SCNN1D: variants seen among roughly 807,000 people sequenced by gnomAD.
SCNN1D encodes the protein epithelial sodium channel subunit delta.
A neutral mutation model predicts 87.8 loss-of-function variants in SCNN1D; 104 were observed. That is an observed-to-expected ratio of 1.18 (90% CI 1.01 to 1.39). The LOEUF (loss-of-function observed/expected upper bound fraction) is 1.39, where lower values mean the gene tolerates loss of function less well. SCNN1D is among the 40% of genes most tolerant of loss of function. SCNN1D has a pLI of 0.00. For synonymous variants in SCNN1D, 628 were observed against 481.2 expected (o/e 1.31, Z -3.99); for missense variants, 1,324 against 1,093.9 (o/e 1.21, Z -2.97).
At chr1:1,284,578 G>A (rs1208995293) in intron 5 of SCNN1D, among the ~76,000 whole-genome samples, 1 of 149,028 alleles carries the variant, frequency 6.7e-6, no homozygotes, top group Non-Finnish European at 1.5e-5. Context: ...GGACCACGGG[G>A]GGTGCCGAGC....
chr1:1,285,146 C>CGTCCCCACCTGGT (rs1553159473), intron 5 of SCNN1D, among the ~76,000 whole-genome samples: 1 of 152,210 alleles, frequency 6.6e-6, no homozygotes, highest in Non-Finnish European at 1.5e-5. Flanking sequence ...CGAGGGGAGC[C>CGTCCCCACCTGGT]GTCCCCACCT....
rs1407568609 is a variant in SCNN1D at position 1,288,225 on chromosome 1, GTC to G, written c.1662+192_1662+193del. On this transcript the variant is annotated intron_variant, in intron 12 of 17. Coordinates refer to ENST00000379116, the MANE Select transcript of SCNN1D (RefSeq NM_001130413.4). ...TCCCTGTGTCTCTGCTCCGTCCCGT[GTC>G]TCTGCTCCGTCCCGTGTCTCTGCTC... Among the ~76,000 whole-genome samples the G allele has an allele frequency of 2.4e-3, 344 of 143,650 alleles. 3 individuals are homozygous for G. The highest frequency in any genetic ancestry group is 8.2e-3 in the African/African-American group (310 of 38,030). The allele number at this position is 143,650 out of a possible 152,430, so 94.2% of individuals were successfully genotyped here. A position where few individuals can be genotyped will look rare whatever the true frequency, so the allele number is the denominator to read the frequency against.
At position 1,290,365 on chromosome 1, in the gene SCNN1D, G is replaced by A. The variant is rs1209395077; in HGVS notation, c.1757G>A (p.Ser586Asn). Residue 586 changes from serine to asparagine, a missense_variant, in exon 13 of 18, where the codon AGC (serine) becomes AAC (asparagine). Coordinates refer to ENST00000379116, the MANE Select transcript of SCNN1D (RefSeq NM_001130413.4). ...CTGCCGGCGGGGGCTGAGTACTGCAGCTCTGCCCGGCACCCTGCCTGGGGT... is the reference window on the plus strand; with the variant it reads ...CTGCCGGCGGGGGCTGAGTACTGCAACTCTGCCCGGCACCCTGCCTGGGGT... Reference protein sequence around the residue: ...HPLPAGAEYCSSARHPAWGHC... With the variant: ...HPLPAGAEYCNSARHPAWGHC... The A allele has an allele frequency of 3.1e-6, 5 of 1,600,124 alleles. No homozygotes were observed. Among genetic ancestry groups the A allele is most frequent in the Non-Finnish European group, 8.5e-7 (1 of 1,171,970 alleles).
rs143026476 is a variant in SCNN1D at position 1,287,135 on chromosome 1, T to C, written c.1146T>C (p.Phe382=). ...RLCNSTGGDC[F]YRGYTSGVAA... ...GCAACAGCACGGGCGGCGACTGCTT[T>C]TACCGAGGCTACACGTCAGGCGTGG... The change falls in exon 9 of 18, where the codon TTT becomes TTC. Residue 382 remains phenylalanine, a synonymous_variant. Coordinates refer to ENST00000379116, the MANE Select transcript of SCNN1D (RefSeq NM_001130413.4). The C allele has an allele frequency of 1.7e-5, 27 of 1,600,526 alleles. No individual in the cohort carries two copies. In the African/African-American group the frequency reaches 2.8e-4, roughly 17 times the overall value.
rs2229833 is a variant in SCNN1D, at chr1:1,291,271, G to A, written c.2070G>A (p.Ser690=). 4.9e-5 allele frequency: 76 copies of A among 1,561,446 alleles called. No homozygotes were observed. The highest frequency in any genetic ancestry group is 2.1e-4 in the Middle Eastern group (1 of 4,800). The change falls in exon 18 of 18, where the codon TCG becomes TCA. Residue 690 remains serine, a synonymous_variant. Coordinates refer to ENST00000379116, the MANE Select transcript of SCNN1D (RefSeq NM_001130413.4). ...ACCCGCAGGTGCCGCAGCTGCTCTC[G>A]GCCATGGGCAGCCTCTGCAGCCTGT... ...APVYSVPQLL[S]AMGSLCSLWF...
At chr1:1,285,904 G>C in intron 6 of SCNN1D, 22 bp from the exon 7 acceptor site, 1 of 1,530,054 alleles carries the variant, frequency 6.5e-7, no homozygotes, top group Non-Finnish European at 8.8e-7. Context: ...GCCGGGCCCT[G>C]CTGAGGCCAC....
Position 1,286,184 on chromosome 1 carries a change from C to A in SCNN1D, c.817C>A (p.Arg273Ser). ...LCWQLGLLFERHWHRPVLMAV... is the reference protein window; with the variant it reads ...LCWQLGLLFESHWHRPVLMAV... ...CTGGCAGCTGGGGCTCCTCTTTGAGCGTCACTGGCACCGCCCGGTCCTCAT... is the reference window on the plus strand; with the variant it reads ...CTGGCAGCTGGGGCTCCTCTTTGAGAGTCACTGGCACCGCCCGGTCCTCAT... Residue 273 changes from arginine (R) to serine (S), a missense_variant, in exon 7 of 18, where the codon CGT becomes AGT. Coordinates refer to ENST00000379116, the MANE Select transcript of SCNN1D (RefSeq NM_001130413.4). The A allele has an allele frequency of 6.2e-7, 1 of 1,603,832 alleles. No individual in the cohort carries two copies. Among genetic ancestry groups the A allele is most frequent in the Non-Finnish European group, 8.5e-7 (1 of 1,178,324 alleles).
intron 5 of SCNN1D, among the ~76,000 whole-genome samples, chr1:1,284,907 A>G (rs1233435682): frequency 1.3e-5 from 2 of 152,126 alleles, no homozygotes; most frequent in East Asian, 1.9e-4. Context: ...CCAGACCCCA[A>G]TCCACAGCTC....
At chr1:1,283,260 G>A (rs1223123736) in intron 4 of SCNN1D, among the ~76,000 whole-genome samples, 2 of 152,188 alleles carry the variant, frequency 1.3e-5, no homozygotes, top group Non-Finnish European at 2.9e-5. Context: ...ATTAGCACCT[G>A]TCCCAATGGC....
At chr1:1,290,212 G>C in intron 12 of SCNN1D, 59 bp from the exon 13 acceptor site, 2 of 1,271,836 alleles carry the variant, frequency 1.6e-6, no homozygotes, top group South Asian at 2.9e-5. Flanking sequence ...CCGTGTCTCT[G>C]CCCCGTCCCC....
In SCNN1D at chr1:1,291,726, G is replaced by A. The variant is rs550488809; in HGVS notation, c.*116G>A. ...CAGCAGCCCAGGAAGCAGCACACGCGGCCGTGGGGAGGCAGGCACCGGGCA... is the reference window on the plus strand; with the variant it reads ...CAGCAGCCCAGGAAGCAGCACACGCAGCCGTGGGGAGGCAGGCACCGGGCA... On this transcript the variant is annotated 3_prime_UTR_variant, in exon 18 of 18. Transcript: ENST00000379116. The A allele has an allele frequency of 6.4e-5, 46 of 721,020 alleles. 1 individual carries two copies. In the South Asian group the frequency reaches 9.3e-4, roughly 15 times the overall value. The allele number at this position is 721,020 out of a possible 1,614,324, so 44.7% of individuals were successfully genotyped here. A position where few individuals can be genotyped will look rare whatever the true frequency, so the allele number is the denominator to read the frequency against.
Position 1,286,150 on chromosome 1 carries a change from C to T in SCNN1D, c.783C>T (p.Val261=), listed in dbSNP as rs146792102. The part of the protein sequence containing the change: ...SWGLLSLGAL[V]ALCWQLGLLF... Reference sequence around the variant, plus strand: ...GGCTGCTGTCCCTGGGAGCCCTGGTCGCGCTCTGCTGGCAGCTGGGGCTCC... The same window carrying T: ...GGCTGCTGTCCCTGGGAGCCCTGGTTGCGCTCTGCTGGCAGCTGGGGCTCC... Residue 261 remains valine, a synonymous_variant, in exon 7 of 18, where the codon GTC becomes GTT. Coordinates refer to ENST00000379116, the MANE Select transcript of SCNN1D (RefSeq NM_001130413.4). 267 of 1,609,044 alleles carry T rather than the reference C, an allele frequency of 1.7e-4. No individual in the cohort carries two copies. The African/African-American group carries it at 3.2e-3, about 19-fold the overall frequency.
At chr1:1,288,215 T>TCCGTCCCGTGTCCCTGCC (rs1640656071) in intron 12 of SCNN1D, among the ~76,000 whole-genome samples, 178 bp downstream of exon 12, 1 of 127,004 alleles carries the variant, frequency 7.9e-6, no homozygotes, top group African/African-American at 3.1e-5. Context: ...GTGTCTCTGC[T>TCCGTCCCGTGTCCCTGCC]CCGTCCCGTG....
chr1:1,290,779 G>A lies in SCNN1D; in HGVS notation c.1917+85G>A, dbSNP rs369010596. 3.8e-6 allele frequency: 6 copies of A among 1,587,378 alleles called. No homozygotes were observed. The East Asian group carries it at 1.1e-4, about 30-fold the overall frequency. On this transcript the variant is annotated intron_variant, in intron 15 of 17. Coordinates refer to ENST00000379116, the MANE Select transcript of SCNN1D (RefSeq NM_001130413.4). ...ACAGAGCCCACCCAAGACAAGGGCA[G>A]GGCCGGAACTGACCCAGCCTATGCC...
chr1:1,289,925 G>A (rs1396034070), intron 12 of SCNN1D, among the ~76,000 whole-genome samples: 2 of 54,068 alleles, frequency 3.7e-5, no homozygotes, highest in Non-Finnish European at 6.5e-5. Context: ...TCTCTGCCCC[G>A]TCCCCCGTGT....
chr1:1,290,232 G>C lies in SCNN1D; in HGVS notation c.1663-39G>C, dbSNP rs1570866. 6 of 1,205,842 alleles carry C rather than the reference G, an allele frequency of 5.0e-6. 1 individual carries two copies. Among genetic ancestry groups the C allele is most frequent in the African/African-American group, 3.6e-5 (2 of 54,992 alleles). The allele number at this position is 1,205,842 out of a possible 1,614,324, so 74.7% of individuals were successfully genotyped here. ...TCTCTGCCCCGTCCCCCATGTCTCC[G>C]CTCCATCCCATGTCCCTGCTCATCC... is the stretch of plus-strand genomic sequence containing the variant. On this transcript the variant is annotated intron_variant, in intron 12 of 17. Transcript: ENST00000379116.
chr1:1,290,482 T>A lies in SCNN1D; in HGVS notation c.1786T>A (p.Cys596Ser), dbSNP rs554962645. 5 of 1,612,632 alleles carry A rather than the reference T, an allele frequency of 3.1e-6. No homozygotes were observed. The South Asian group carries it at 5.5e-5, about 18-fold the overall frequency. ...GCCTCTGACCCCTCCCCAAGGACAC[T>A]GCTTCTACCGCCTCTACCAGGACCT... ...SSARHPAWGH[C>S]FYRLYQDLET... Residue 596 changes from cysteine to serine, a missense_variant, in exon 14 of 18, where the codon TGC becomes AGC. Cys to Ser is a moderately radical substitution (Grantham distance 112). Transcript: ENST00000379116.
intron 6 of SCNN1D, 109 bp from the exon 7 acceptor site, chr1:1,285,817 G>C: frequency 7.9e-7 from 1 of 1,268,290 alleles, no homozygotes; most frequent in South Asian, 1.5e-5. Flanking sequence ...TTGTCCGAGC[G>C]ACCGAGCAGG....
rs560453693 is a variant in SCNN1D at position 1,288,023 on chromosome 1, T to A, written c.1648T>A (p.Ser550Thr). The A allele has an allele frequency of 4.1e-6, 6 of 1,454,724 alleles. No individual in the cohort carries two copies. The highest frequency in any genetic ancestry group is 3.7e-5 in the South Asian group (3 of 81,934). 90.1% of individuals were successfully genotyped at this position (1,454,724 alleles called of 1,614,324 possible). Residue 550 changes from serine to threonine, a missense_variant, in exon 12 of 18, where the codon TCC becomes ACC. Ser to Thr is a moderately conservative substitution (Grantham distance 58). Coordinates refer to ENST00000379116, the MANE Select transcript of SCNN1D (RefSeq NM_001130413.4). The part of the protein sequence containing the change: ...GVEVELLHNT[S>T]YTRQACLVSC... ...GGAGGTGGAGCTGCTACACAACACC[T>A]CCTACACCAGGCAGGTGAGGCTGGG...
Sources: allele counts gnomAD v4.1 joint callset (sites outside exome capture counted in the v4.1 genomes callset), GRCh38; gene constraint gnomAD v4.1.1; transcripts MANE v1.5; gene names NCBI Gene and HGNC (gene_info 2026-07-23, HGNC 2026-07-21).